Variants in SEC14L2 observed in about 807,000 individuals in gnomAD.
The protein encoded by SEC14L2 is SEC14 like lipid binding 2, also known as SEC14-like protein 2.
A neutral mutation model predicts 56.9 loss-of-function variants in SEC14L2; 50 were observed. That is an observed-to-expected ratio of 0.88 (90% CI 0.70 to 1.11). The LOEUF is 1.11. Ranked by LOEUF, SEC14L2 falls within the 50% of genes most tolerant of loss-of-function variation. The probability of loss-of-function intolerance (pLI) is 0.00; values close to 1 mark genes in which losing one functional copy is unlikely to be tolerated. For missense variants in SEC14L2, 414 were observed against 500.7 expected, an observed-to-expected ratio of 0.83 and a Z score of 1.65; for synonymous variants, 179 against 188.5, an observed-to-expected ratio of 0.95 and a Z score of 0.41.
Position 30,407,150 on chromosome 22 carries a change from C to T in SEC14L2, c.230C>T (p.Pro77Leu), listed in dbSNP as rs1967396741. 1 of 1,614,012 alleles carries T rather than the reference C, an allele frequency of 6.2e-7. No homozygotes were observed. Among genetic ancestry groups the T allele is most frequent in the East Asian group, 2.2e-5 (1 of 44,880 alleles). ...DIDNIISWQP[P>L]EVIQQYLSGG... ...GACAACATCATTAGCTGGCAGCCTC[C>T]AGAGGTGAGCACAAATTATCCCACC... is the stretch of plus-strand genomic sequence containing the variant. Residue 77 changes from proline (P) to leucine (L), a missense_variant, in exon 4 of 12, where the codon CCA (proline) becomes CTA (leucine). Transcript: ENST00000615189.
At chr22:30,414,412 C>T (rs1009279526) in intron 8 of SEC14L2, among the ~76,000 whole-genome samples, 2 of 152,142 alleles carry the variant, frequency 1.3e-5, no homozygotes, top group African/African-American at 4.8e-5. Context: ...GAATTTTCAA[C>T]AGAGGGGGGA....
chr22:30,415,149 C>T (rs768315929), intron 8 of SEC14L2, among the ~76,000 whole-genome samples: 10 of 152,084 alleles, frequency 6.6e-5, no homozygotes, highest in East Asian at 3.9e-4. Flanking sequence ...AAAGCCCTCT[C>T]GGCCGGGCGC....
In SEC14L2 at chr22:30,425,109, G is replaced by A. The variant is rs1934633863; in HGVS notation, c.*2702G>A. ...ACGGGATCTGGATCCACACTGTTTG[G>A]ATTCAAATCACAACTTCACCACTTA... On this transcript the variant is annotated 3_prime_UTR_variant, in exon 12 of 12. Coordinates refer to ENST00000615189, the MANE Select transcript of SEC14L2 (RefSeq NM_012429.5). 4.3e-6 allele frequency: 1 copy of A among 232,108 alleles called. No individual in the cohort carries two copies. Among genetic ancestry groups the A allele is most frequent in the Admixed American group, 5.1e-5 (1 of 19,498 alleles). The allele number at this position is 232,108 out of a possible 1,614,324, so 14.4% of individuals were successfully genotyped here.
intron 2 of SEC14L2, 104 bp from the exon 3 acceptor site, chr22:30,406,238 G>T: frequency 1.8e-6 from 2 of 1,081,344 alleles, no homozygotes; most frequent in South Asian, 2.7e-5. Flanking sequence ...CTGGAGAGAT[G>T]ACTGAGAGGA....
intron 7 of SEC14L2, among the ~76,000 whole-genome samples, chr22:30,409,916 G>A (rs1046530437): frequency 6.9e-6 from 1 of 145,348 alleles, no homozygotes; most frequent in Non-Finnish European, 1.5e-5. Flanking sequence ...ATAAAAATAG[G>A]GCTAGGTGCA....
chr22:30,409,532 T>C (rs1443642063), intron 7 of SEC14L2, 46 bp downstream of exon 7: 4 of 1,562,538 alleles, frequency 2.6e-6, no homozygotes, highest in Non-Finnish European at 3.5e-6. Flanking sequence ...AAAAGAGGGG[T>C]CAAAAACATG....
intron 8 of SEC14L2, among the ~76,000 whole-genome samples, chr22:30,415,341 A>G (rs897945930): frequency 6.6e-6 from 1 of 152,136 alleles, no homozygotes; most frequent in Non-Finnish European, 1.5e-5. Flanking sequence ...GCTGAGGCGG[A>G]AGAATCACTT....
In SEC14L2 at chr22:30,422,690, G is replaced by A. The variant is rs1183604209; in HGVS notation, c.*283G>A. ...CTGTCCAGGGACAGCGAAGCTGGGG[G>A]TGGCGGGGGGCATGTACCACAGGGT... On this transcript the variant is annotated 3_prime_UTR_variant, in exon 12 of 12. Coordinates refer to ENST00000615189, the MANE Select transcript of SEC14L2 (RefSeq NM_012429.5). The A allele has an allele frequency of 3.2e-5, 10 of 308,930 alleles. No homozygotes were observed. Among genetic ancestry groups the A allele is most frequent in the Admixed American group, 4.8e-5 (1 of 20,894 alleles). The allele number at this position is 308,930 out of a possible 1,614,324, so 19.1% of individuals were successfully genotyped here. A position where few individuals can be genotyped will look rare whatever the true frequency, so the allele number is the denominator to read the frequency against.
At chr22:30,400,054 A>G (rs1291003150) in intron 2 of SEC14L2, among the ~76,000 whole-genome samples, 7 of 152,356 alleles carry the variant, frequency 4.6e-5, no homozygotes, top group African/African-American at 7.2e-5. Flanking sequence ...GGCTGAAGAA[A>G]AAGTGAGAAA....
intron 8 of SEC14L2, among the ~76,000 whole-genome samples, chr22:30,412,144 TA>T (rs1223805254): frequency 2.6e-5 from 4 of 152,126 alleles, no homozygotes; most frequent in African/African-American, 9.7e-5. Flanking sequence ...GATATGACTC[TA>T]CAGGCCACTG....
At chr22:30,399,254 T>C (rs1009028933) in intron 1 of SEC14L2, among the ~76,000 whole-genome samples, 4 of 152,134 alleles carry the variant, frequency 2.6e-5, no homozygotes, top group Non-Finnish European at 5.9e-5. Flanking sequence ...TGGGGGTTCA[T>C]GCCTGTAATC....
intron 8 of SEC14L2, among the ~76,000 whole-genome samples, chr22:30,413,630 T>G (rs562383555): frequency 1.3e-5 from 2 of 151,324 alleles, no homozygotes; most frequent in African/African-American, 4.9e-5. Flanking sequence ...ACTTTGGGGG[T>G]AGGTAAGAGG....
intron 1 of SEC14L2, 45 bp from the exon 2 acceptor site, chr22:30,399,598 A>G: frequency 6.9e-7 from 1 of 1,458,144 alleles, no homozygotes; most frequent in Non-Finnish European, 9.5e-7. Context: ...AGAGGGCAGC[A>G]GTCAGGGCGG....
At chr22:30,407,839 G>T (rs1463862088) in intron 5 of SEC14L2, among the ~76,000 whole-genome samples, 1 of 152,016 alleles carries the variant, frequency 6.6e-6, no homozygotes, top group Non-Finnish European at 1.5e-5. Context: ...AAAGTGCTGG[G>T]ATTACAGGTG....
chr22:30,397,248 C>G (rs1933780583), intron 1 of SEC14L2, 78 bp downstream of exon 1: 4 of 1,260,800 alleles, frequency 3.2e-6, no homozygotes, highest in Non-Finnish European at 4.3e-6. Context: ...AGGGACGGGG[C>G]TGGGTGGGGG....
chr22:30,417,885 T>TG (rs1934427243), intron 11 of SEC14L2, among the ~76,000 whole-genome samples: 1 of 151,934 alleles, frequency 6.6e-6, no homozygotes, highest in Admixed American at 6.6e-5. Context: ...TCATCTCCAC[T>TG]GCCCCCTCCT....
At chr22:30,404,632 CAA>C (rs1426786013) in intron 2 of SEC14L2, among the ~76,000 whole-genome samples, 4 of 152,106 alleles carry the variant, frequency 2.6e-5, no homozygotes, top group Non-Finnish European at 5.9e-5. Context: ...TTGACTGTAA[CAA>C]GAGGAAATTT....
intron 11 of SEC14L2, among the ~76,000 whole-genome samples, chr22:30,418,156 G>A (rs891923213): frequency 6.6e-6 from 1 of 151,994 alleles, no homozygotes; most frequent in African/African-American, 2.4e-5. Context: ...GGGTTCAAGC[G>A]ACCCTCCTGC....
Position 30,422,363 on chromosome 22 carries a change from T to C in SEC14L2, c.1168T>C (p.Ser390Pro). The C allele has an allele frequency of 6.2e-7, 1 of 1,614,130 alleles. No individual in the cohort carries two copies. ...GGAGGTCCTGCTTCCAGACAAAGCC[T>C]CAGAAGAGAAGATGAAACAGCTGGG... Reference protein sequence around the residue: ...TVEVLLPDKASEEKMKQLGAG... With the variant: ...TVEVLLPDKAPEEKMKQLGAG... Residue 390 changes from serine to proline, a missense_variant, in exon 12 of 12, where the codon TCA (serine) becomes CCA (proline). Transcript: ENST00000615189.
Sources: allele counts gnomAD v4.1 joint callset (sites outside exome capture counted in the v4.1 genomes callset), GRCh38; gene constraint gnomAD v4.1.1; transcripts MANE v1.5; gene names NCBI Gene and HGNC (gene_info 2026-07-23, HGNC 2026-07-21).